The following ARHGAP24 variants were observed in gnomAD, a reference collection of about 807,000 sequenced individuals.
ARHGAP24 encodes Rho GTPase activating protein 24, also known as rho GTPase-activating protein 24.
A neutral mutation model predicts 76.4 loss-of-function variants in ARHGAP24; 50 were observed. The observed-to-expected ratio is 0.65, with a 90% CI of 0.52 to 0.83. The LOEUF is 0.83. Among genes scored for constraint, ARHGAP24 ranks in the 40% least tolerant of loss-of-function variants. The pLI is 0.00. For synonymous variants in ARHGAP24, 345 were observed against 323.3 expected (o/e 1.07, Z -0.72); for missense variants, 930 against 914.2 (o/e 1.02, Z -0.22).
At chr4:85,953,175 T>G (rs346491) in intron 5 of ARHGAP24, among the ~76,000 whole-genome samples, 100,444 of 151,890 alleles carry the variant, frequency 0.66, 34,633 homozygotes, top group African/African-American at 0.85. Flanking sequence ...ATGAAGCCAG[T>G]AATTTTACAC....
rs1481868818 is a variant in ARHGAP24 at position 85,541,388 on chromosome 4, C to T, written c.-20-29134C>T. 3.4e-5 allele frequency among the ~76,000 whole-genome samples: 5 copies of T among 146,978 alleles called. No individual in the cohort carries two copies. In the South Asian group the frequency reaches 1.0e-3, roughly 31 times the overall value. ...CGGGATGGTCTTGATCTCCTGACCT[C>T]GTGATCCGCCCGCCTCGGCCTCCCA... On this transcript the variant is annotated intron_variant, in intron 1 of 9. Coordinates refer to ENST00000395184, the MANE Select transcript of ARHGAP24 (RefSeq NM_001025616.3).
At chr4:85,844,649 T>G (rs1449716840) in intron 3 of ARHGAP24, among the ~76,000 whole-genome samples, 1 of 152,206 alleles carries the variant, frequency 6.6e-6, no homozygotes, top group African/African-American at 2.4e-5. Context: ...TTTCTGATAA[T>G]GATTTGGATG....
At chr4:85,729,351 G>T (rs71599424) in intron 3 of ARHGAP24, among the ~76,000 whole-genome samples, 3 of 152,244 alleles carry the variant, frequency 2.0e-5, no homozygotes, top group Admixed American at 6.5e-5. Flanking sequence ...TGAGATTTTT[G>T]TTTCAAAATT....
At chr4:85,652,131 A>G (rs1032589008) in intron 2 of ARHGAP24, among the ~76,000 whole-genome samples, 2 of 152,180 alleles carry the variant, frequency 1.3e-5, no homozygotes, top group Non-Finnish European at 2.9e-5. Context: ...ATTGATGCCA[A>G]ATATTCATAT....
At chr4:85,554,938 C>T (rs148843878) in intron 1 of ARHGAP24, among the ~76,000 whole-genome samples, 7 of 152,072 alleles carry the variant, frequency 4.6e-5, no homozygotes, top group African/African-American at 1.7e-4. Flanking sequence ...CCTCAGCCTC[C>T]CAAAGTGTTG....
intron 3 of ARHGAP24, among the ~76,000 whole-genome samples, chr4:85,808,230 G>A (rs1728873445): frequency 6.6e-6 from 1 of 152,126 alleles, no homozygotes; most frequent in South Asian, 2.1e-4. Flanking sequence ...TCAATGTTAA[G>A]TCCTAGGGAT....
At chr4:85,771,203 T>C (rs2904075) in intron 3 of ARHGAP24, among the ~76,000 whole-genome samples, 143,871 of 152,248 alleles carry the variant, frequency 0.94, 68,530 homozygotes, top group East Asian at 1. Context: ...TTGGCTCACA[T>C]GATTATGGTG....
In ARHGAP24 at chr4:85,722,285, G is replaced by C; in HGVS notation, c.268+313G>C. ...TTTGATTTTACAGCGCTCTTGTGAT[G>C]TGAAATTTGACAAGGGGTTATAGGT... On this transcript the variant is annotated intron_variant, in intron 3 of 9. Transcript: ENST00000395184. 3 of 302,260 alleles carry C rather than the reference G, an allele frequency of 9.9e-6. No individual in the cohort carries two copies. The South Asian group carries it at 1.1e-4, about 11-fold the overall frequency. 18.7% of individuals were successfully genotyped at this position (302,260 alleles called of 1,614,324 possible). A position where few individuals can be genotyped will look rare whatever the true frequency, so the allele number is the denominator to read the frequency against.
At chr4:85,647,205 T>TTAG (rs910334959) in intron 2 of ARHGAP24, among the ~76,000 whole-genome samples, 10 of 151,868 alleles carry the variant, frequency 6.6e-5, no homozygotes, top group Non-Finnish European at 1.3e-4. Flanking sequence ...ATTATTATTA[T>TTAG]TAGTAGTAGT....
At chr4:85,633,797 G>A (rs532643148) in intron 2 of ARHGAP24, among the ~76,000 whole-genome samples, 1 of 151,812 alleles carries the variant, frequency 6.6e-6, no homozygotes, top group East Asian at 1.9e-4. Flanking sequence ...TATTTCGGGA[G>A]CCTGATTTCT....
chr4:85,881,844 A>G (rs1207778678), intron 3 of ARHGAP24, among the ~76,000 whole-genome samples: 1 of 152,196 alleles, frequency 6.6e-6, no homozygotes, highest in East Asian at 1.9e-4. Flanking sequence ...CAGAAAATTA[A>G]TTATTGTTTA....
intron 2 of ARHGAP24, among the ~76,000 whole-genome samples, chr4:85,582,041 A>G (rs1228898728): frequency 6.6e-6 from 1 of 152,142 alleles, no homozygotes; most frequent in Non-Finnish European, 1.5e-5. Flanking sequence ...CTTTTTAAAA[A>G]TTAAGTTATC....
intron 2 of ARHGAP24, among the ~76,000 whole-genome samples, chr4:85,629,127 T>G (rs1476268785): frequency 2.6e-5 from 4 of 152,172 alleles, no homozygotes; most frequent in Admixed American, 6.5e-5. Context: ...GTGAATACAC[T>G]GCAGGATTTT....
intron 2 of ARHGAP24, among the ~76,000 whole-genome samples, chr4:85,640,173 T>C (rs1419172058): frequency 6.6e-6 from 1 of 152,158 alleles, no homozygotes; most frequent in Non-Finnish European, 1.5e-5. Flanking sequence ...ACCTGCCTTA[T>C]CACTCCAGGG....
At chr4:85,731,654 T>C (rs1725414279) in intron 3 of ARHGAP24, among the ~76,000 whole-genome samples, 1 of 152,170 alleles carries the variant, frequency 6.6e-6, no homozygotes, top group South Asian at 2.1e-4. Context: ...TATAGCTAGA[T>C]AGGAGGAAAA....
intron 2 of ARHGAP24, among the ~76,000 whole-genome samples, chr4:85,594,973 C>T (rs1719748757): frequency 1.4e-5 from 1 of 73,022 alleles, no homozygotes; most frequent in Admixed American, 1.8e-4. Context: ...CAATCCTATT[C>T]ACTTTCTCCT....
At chr4:85,890,440 G>T (rs1312839310) in intron 3 of ARHGAP24, among the ~76,000 whole-genome samples, 1 of 152,122 alleles carries the variant, frequency 6.6e-6, no homozygotes, top group Non-Finnish European at 1.5e-5. Flanking sequence ...GTTAAGCAAA[G>T]AATCATAATA....
chr4:85,657,350 T>G (rs2109988276), intron 2 of ARHGAP24, among the ~76,000 whole-genome samples: 1 of 152,240 alleles, frequency 6.6e-6, no homozygotes, highest in Non-Finnish European at 1.5e-5. Context: ...GTTCTTCCCT[T>G]TTAGTTTCAT....
intron 2 of ARHGAP24, among the ~76,000 whole-genome samples, chr4:85,657,589 G>A (rs771878619): frequency 5.9e-5 from 9 of 152,108 alleles, no homozygotes; most frequent in Admixed American, 1.3e-4. Context: ...AGAAAACTTC[G>A]TGTCAGCTTG....
Sources: allele counts gnomAD v4.1 joint callset (sites outside exome capture counted in the v4.1 genomes callset), GRCh38; gene constraint gnomAD v4.1.1; transcripts MANE v1.5; gene names NCBI Gene and HGNC (gene_info 2026-07-23, HGNC 2026-07-21).